Variants in AGBL1 observed in about 807,000 individuals in gnomAD.
AGBL1 encodes the protein cytosolic carboxypeptidase 4.
In AGBL1, 130 loss-of-function variants were observed where a neutral mutation model predicts 118.9. The observed-to-expected ratio is 1.09, with a 90% CI of 0.95 to 1.26. The LOEUF (loss-of-function observed/expected upper bound fraction) is 1.26. Ranked by LOEUF, AGBL1 falls within the 50% of genes most tolerant of loss-of-function variation. AGBL1 has a pLI of 0.00. For synonymous variants in AGBL1, 555 were observed against 478.9 expected (o/e 1.16, Z -2.08); for missense variants, 1,584 against 1,298.1 (o/e 1.22, Z -3.38).
chr15:86,562,690 A>G (rs531560940), intron 21 of AGBL1, among the ~76,000 whole-genome samples: 3 of 152,158 alleles, frequency 2.0e-5, no homozygotes, highest in African/African-American at 4.8e-5. Context: ...CTCTTTTTCT[A>G]TTGATTGGAA....
chr15:87,022,714 G>C (rs1253869869), intron 24 of AGBL1, among the ~76,000 whole-genome samples: 4 of 151,976 alleles, frequency 2.6e-5, no homozygotes, highest in Non-Finnish European at 5.9e-5. Context: ...AAAAGTACCA[G>C]GTAACCTATT....
At chr15:86,602,098 C>T (rs937619796) in intron 21 of AGBL1, among the ~76,000 whole-genome samples, 1 of 151,832 alleles carries the variant, frequency 6.6e-6, no homozygotes, top group African/African-American at 2.4e-5. Flanking sequence ...TTTCTTCTTC[C>T]CTCTCTTCTT....
intron 22 of AGBL1, among the ~76,000 whole-genome samples, chr15:86,732,624 C>A (rs1367525402): frequency 2.0e-5 from 3 of 152,062 alleles, no homozygotes; most frequent in African/African-American, 7.2e-5. Context: ...ACAAGGAGTT[C>A]ACTTTTCCTC....
At chr15:86,449,938 T>A (rs1279319745) in intron 18 of AGBL1, among the ~76,000 whole-genome samples, 3 of 112,218 alleles carry the variant, frequency 2.7e-5, no homozygotes, top group African/African-American at 1.1e-4. Context: ...TCTCTTTTGC[T>A]GGCGTATTAA....
chr15:87,016,507 A>G (rs572324166), intron 24 of AGBL1, among the ~76,000 whole-genome samples: 6 of 152,310 alleles, frequency 3.9e-5, no homozygotes, highest in Non-Finnish European at 8.8e-5. Flanking sequence ...TATCTCATCT[A>G]TAAACTGAGG....
intron 6 of AGBL1, among the ~76,000 whole-genome samples, chr15:86,233,225 G>A (rs1482686778): frequency 5.3e-5 from 8 of 152,170 alleles, no homozygotes; most frequent in African/African-American, 1.4e-4. Context: ...GTTCAATGCA[G>A]CCATTGATTG....
At chr15:86,606,579 TAG>T (rs2084580973) in intron 21 of AGBL1, among the ~76,000 whole-genome samples, 1 of 152,154 alleles carries the variant, frequency 6.6e-6, no homozygotes, top group African/African-American at 2.4e-5. Context: ...AAATGGTGTT[TAG>T]AGACAAGACA....
chr15:86,571,331 C>T (rs1372460678), intron 21 of AGBL1, among the ~76,000 whole-genome samples: 1 of 152,106 alleles, frequency 6.6e-6, no homozygotes, highest in Non-Finnish European at 1.5e-5. Flanking sequence ...TCAGCAGGTC[C>T]CGAGTTCTTG....
intron 1 of AGBL1, among the ~76,000 whole-genome samples, chr15:86,108,340 C>G (rs1013320419): frequency 1.3e-5 from 2 of 152,108 alleles, no homozygotes; most frequent in Non-Finnish European, 2.9e-5. Flanking sequence ...TGGGGAATTT[C>G]TCTTCAAACT....
chr15:86,410,828 AT>A (rs1402236411), intron 18 of AGBL1, among the ~76,000 whole-genome samples: 3,333 of 94,336 alleles, frequency 0.035, 320 homozygotes, highest in African/African-American at 0.079. Flanking sequence ...ATATATATAT[AT>A]ATATATATAT....
In AGBL1 at chr15:86,403,401, A is replaced by G. The variant is rs535539822; in HGVS notation, c.2555+5855A>G. Among the ~76,000 whole-genome samples the G allele has an allele frequency of 3.9e-5, 6 of 152,332 alleles. No homozygotes were observed. The East Asian group carries it at 1.2e-3, about 29-fold the overall frequency. ...CAAAGACTCCACTATAAGTAAATAC[A>G]CCAAGGTATTAAAACATAATAGTTG... On this transcript the variant is annotated intron_variant, in intron 18 of 22. Transcript: ENST00000614907.
chr15:86,492,001 G>T (rs891185141), intron 18 of AGBL1, among the ~76,000 whole-genome samples: 2 of 152,044 alleles, frequency 1.3e-5, no homozygotes, highest in African/African-American at 4.8e-5. Context: ...AATAGCCCTT[G>T]AAAGTTGATT....
chr15:86,416,624 T>G (rs968312693), intron 18 of AGBL1, among the ~76,000 whole-genome samples: 1 of 152,202 alleles, frequency 6.6e-6, no homozygotes, highest in Non-Finnish European at 1.5e-5. Flanking sequence ...ATCTTGGCAG[T>G]GCATTATTGA....
chr15:86,769,428 C>A (rs1440501543), intron 22 of AGBL1, among the ~76,000 whole-genome samples: 1 of 151,886 alleles, frequency 6.6e-6, no homozygotes, highest in African/African-American at 2.4e-5. Flanking sequence ...AGGACCGAGA[C>A]CCTGTGTAAA....
intron 3 of AGBL1, among the ~76,000 whole-genome samples, chr15:86,152,314 A>C (rs1055962986): frequency 2.0e-5 from 3 of 152,038 alleles, no homozygotes; most frequent in African/African-American, 7.2e-5. Context: ...CTGGTACCAA[A>C]ACAGATAGAC....
At chr15:87,012,108 A>G (rs2570115) in intron 24 of AGBL1, among the ~76,000 whole-genome samples, 81,732 of 151,688 alleles carry the variant, frequency 0.54, 24,480 homozygotes, top group South Asian at 0.72. Flanking sequence ...TGAGAAGGAG[A>G]ATAGGCTCAG....
intron 24 of AGBL1, among the ~76,000 whole-genome samples, chr15:87,023,264 C>T (rs745699591): frequency 5.9e-5 from 9 of 151,886 alleles, no homozygotes; most frequent in Non-Finnish European, 1.2e-4. Context: ...CTCACACAAA[C>T]TTAAGTGAAA....
At chr15:86,239,528 G>A (rs191153393) in intron 6 of AGBL1, among the ~76,000 whole-genome samples, 14 of 152,118 alleles carry the variant, frequency 9.2e-5, no homozygotes, top group African/African-American at 2.4e-4. Flanking sequence ...CAATGGTGCC[G>A]CACTCACACC....
chr15:86,820,920 G>A (rs1412451502), intron 22 of AGBL1, among the ~76,000 whole-genome samples: 1 of 152,070 alleles, frequency 6.6e-6, no homozygotes, highest in Non-Finnish European at 1.5e-5. Flanking sequence ...GCAAGGACTT[G>A]GAACCAACCA....
Sources: allele counts gnomAD v4.1 joint callset (sites outside exome capture counted in the v4.1 genomes callset), GRCh38; gene constraint gnomAD v4.1.1; transcripts MANE v1.5; gene names NCBI Gene and HGNC (gene_info 2026-07-23, HGNC 2026-07-21).